Variants in TRAPPC9 observed in about 807,000 individuals in gnomAD.
The protein encoded by TRAPPC9 is IKK2 binding protein.
Under a neutral mutation model 124.0 loss-of-function variants are expected in TRAPPC9, and 83 were observed. The ratio of observed to expected loss-of-function variants is 0.67; its 90% CI spans 0.56 to 0.80. The LOEUF is 0.80. Ranked by LOEUF, TRAPPC9 falls within the 30% of genes least tolerant of loss-of-function variation. The probability of loss-of-function intolerance (pLI) is 0.00; values close to 1 mark genes in which losing one functional copy is unlikely to be tolerated. For missense variants in TRAPPC9, 1,302 were observed against 1,508.3 expected, an observed-to-expected ratio of 0.86 and a Z score of 2.27; for synonymous variants, 638 against 617.5, an observed-to-expected ratio of 1.03 and a Z score of -0.49.
chr8:139,959,958 G>A (rs541867922), intron 19 of TRAPPC9, among the ~76,000 whole-genome samples: 48 of 152,334 alleles, frequency 3.2e-4, no homozygotes, highest in African/African-American at 1.1e-3. Flanking sequence ...GGCTGTGGGC[G>A]ATGGAGGAAG....
intron 7 of TRAPPC9, among the ~76,000 whole-genome samples, chr8:140,390,448 A>C (rs1301975742): frequency 6.6e-6 from 1 of 152,198 alleles, no homozygotes; most frequent in Admixed American, 6.5e-5. Context: ...TCCTGGGTTA[A>C]ACAGAACAAC....
chr8:140,196,935 C>T (rs2062684949), intron 17 of TRAPPC9, among the ~76,000 whole-genome samples: 1 of 152,148 alleles, frequency 6.6e-6, no homozygotes, highest in African/African-American at 2.4e-5. Flanking sequence ...TGAAAACACA[C>T]ACAACGATCC....
chr8:139,876,225 C>CA (rs1829312046), intron 21 of TRAPPC9, among the ~76,000 whole-genome samples: 1 of 152,230 alleles, frequency 6.6e-6, no homozygotes, highest in Non-Finnish European at 1.5e-5. Flanking sequence ...AGCTCAGCCT[C>CA]AGAGGCACCA....
intron 9 of TRAPPC9, among the ~76,000 whole-genome samples, chr8:140,345,403 C>T (rs6993246): frequency 0.28 from 43,078 of 152,076 alleles, 7,383 homozygotes; most frequent in African/African-American, 0.48. Context: ...AGGAGGACTG[C>T]TTGGAAGTAG....
chr8:140,350,620 G>A (rs988437291), intron 9 of TRAPPC9, among the ~76,000 whole-genome samples: 6 of 152,124 alleles, frequency 3.9e-5, no homozygotes, highest in African/African-American at 1.4e-4. Flanking sequence ...GAAGAGCCGG[G>A]GGTCACGGTG....
intron 20 of TRAPPC9, among the ~76,000 whole-genome samples, chr8:139,898,184 T>C (rs1830785118): frequency 6.6e-6 from 1 of 152,332 alleles, no homozygotes; most frequent in East Asian, 1.9e-4. Context: ...GCCCCAAATA[T>C]GGCAGGCAGG....
intron 5 of TRAPPC9, among the ~76,000 whole-genome samples, chr8:140,419,830 G>A (rs1193798698): frequency 6.6e-6 from 1 of 152,026 alleles, no homozygotes; most frequent in African/African-American, 2.4e-5. Flanking sequence ...AGCTTGCAGT[G>A]AGCCGAGATT....
At chr8:140,188,097 T>A (rs552311788) in intron 17 of TRAPPC9, among the ~76,000 whole-genome samples, 1 of 152,312 alleles carries the variant, frequency 6.6e-6, no homozygotes, top group South Asian at 2.1e-4. Flanking sequence ...GTGCTCCCCA[T>A]CCTGGCCTCC....
chr8:140,000,411 A>C (rs1257417857), intron 18 of TRAPPC9, among the ~76,000 whole-genome samples: 1 of 152,250 alleles, frequency 6.6e-6, no homozygotes, highest in Non-Finnish European at 1.5e-5. Flanking sequence ...GAGCTTCTGC[A>C]CAGCAAAAGA....
intron 14 of TRAPPC9, among the ~76,000 whole-genome samples, chr8:140,279,980 G>A (rs1234293166): frequency 6.6e-6 from 1 of 152,232 alleles, no homozygotes; most frequent in Non-Finnish European, 1.5e-5. Context: ...GCTGGCCGGA[G>A]CTTGCTAAGC....
At chr8:140,371,590 A>T (rs1179178664) in intron 7 of TRAPPC9, among the ~76,000 whole-genome samples, 1 of 152,038 alleles carries the variant, frequency 6.6e-6, no homozygotes, top group Non-Finnish European at 1.5e-5. Flanking sequence ...ATGAATTATT[A>T]ACAATACCAC....
chr8:139,820,047 C>T (rs530798119), intron 21 of TRAPPC9, among the ~76,000 whole-genome samples: 1 of 147,234 alleles, frequency 6.8e-6, no homozygotes, highest in African/African-American at 2.5e-5. Context: ...AACTACCGTC[C>T]AAAACCATTA....
chr8:139,909,940 C>T (rs1345565644), intron 20 of TRAPPC9, among the ~76,000 whole-genome samples: 1 of 152,196 alleles, frequency 6.6e-6, no homozygotes, highest in African/African-American at 2.4e-5. Context: ...CTTTCCTCGC[C>T]CCCAATCAAT....
intron 16 of TRAPPC9, among the ~76,000 whole-genome samples, chr8:140,228,331 G>A (rs2063502443): frequency 6.6e-6 from 1 of 152,094 alleles, no homozygotes; most frequent in Admixed American, 6.6e-5. Flanking sequence ...AAATCTACAG[G>A]TGCCAAAAAA....
intron 21 of TRAPPC9, among the ~76,000 whole-genome samples, chr8:139,773,203 G>A (rs184741648): frequency 3.0e-4 from 45 of 152,370 alleles, no homozygotes; most frequent in Admixed American, 1.8e-3. Flanking sequence ...CCAGCAGGAC[G>A]CCTGGCGCGC....
At chr8:139,977,434 T>C (rs546249809) in intron 19 of TRAPPC9, among the ~76,000 whole-genome samples, 265 of 151,702 alleles carry the variant, frequency 1.7e-3, no homozygotes, top group African/African-American at 6.1e-3. Context: ...CTGGCTAACA[T>C]GGTGAAACCC....
At chr8:140,224,978 AT>A (rs1476565684) in intron 16 of TRAPPC9, among the ~76,000 whole-genome samples, 1 of 152,184 alleles carries the variant, frequency 6.6e-6, no homozygotes, top group Non-Finnish European at 1.5e-5. Context: ...ATCAAGTCAA[AT>A]AACCTTCTAC....
chr8:140,276,334 A>G (rs2065119310), intron 14 of TRAPPC9, among the ~76,000 whole-genome samples: 1 of 152,222 alleles, frequency 6.6e-6, no homozygotes, highest in Non-Finnish European at 1.5e-5. Context: ...TTACAGGTAC[A>G]AACTGTAAGG....
chr8:140,050,077 A>G (rs1841889209), intron 17 of TRAPPC9, among the ~76,000 whole-genome samples: 1 of 152,224 alleles, frequency 6.6e-6, no homozygotes, highest in Non-Finnish European at 1.5e-5. Context: ...CACTGAGTGT[A>G]CAAGGGACAC....
Sources: gnomAD v4.1 joint callset for allele counts (sites outside exome capture counted in the v4.1 genomes callset) on GRCh38, gnomAD v4.1.1 for gene constraint, MANE v1.5 for transcripts, NCBI Gene and HGNC (gene_info 2026-07-23, HGNC 2026-07-21) for gene names.